GSE1: variants seen among roughly 807,000 people sequenced by gnomAD.
The protein encoded by GSE1 is genetic suppressor element 1.
In GSE1, 32 loss-of-function variants were observed where a neutral mutation model predicts 112.6. That is an observed-to-expected ratio of 0.28 (90% confidence interval 0.21 to 0.38). The LOEUF is 0.38. Ranked by LOEUF, GSE1 falls within the 10% of genes least tolerant of loss-of-function variation. GSE1 has a pLI of 1.00. For missense variants in GSE1, 2,348 were observed against 1,699.2 expected (o/e 1.38, Z -6.71); for synonymous variants, 1,115 against 735.6 (o/e 1.52, Z -8.35).
chr16:85,240,854 G>C (rs1441176030), intron 1 of GSE1, among the ~76,000 whole-genome samples: 3 of 152,182 alleles, frequency 2.0e-5, no homozygotes, highest in Non-Finnish European at 4.4e-5. Flanking sequence ...AGCACAGTCG[G>C]GGAGCAGAGA....
upstream of GSE1, chr16:85,555,679 C>A (rs2045170681): frequency 1.1e-6 from 1 of 924,202 alleles, no homozygotes; most frequent in Non-Finnish European, 1.3e-6. Flanking sequence ...CCCGCCGCCC[C>A]CCCCTTCCTT....
intron 2 of GSE1, among the ~76,000 whole-genome samples, chr16:85,442,022 G>A (rs2049387750): frequency 6.6e-6 from 1 of 152,188 alleles, no homozygotes; most frequent in African/African-American, 2.4e-5. Flanking sequence ...CCTCCACGTG[G>A]GCCCCTGCTG....
At chr16:85,414,873 C>T (rs1316574392) in intron 2 of GSE1, among the ~76,000 whole-genome samples, 4 of 152,272 alleles carry the variant, frequency 2.6e-5, no homozygotes, top group South Asian at 2.1e-4. Flanking sequence ...TGACCTCAGG[C>T]GATCCACCTG....
At chr16:85,506,409 G>A (rs188261083) in intron 2 of GSE1, among the ~76,000 whole-genome samples, 25 of 152,256 alleles carry the variant, frequency 1.6e-4, no homozygotes, top group African/African-American at 5.5e-4. Context: ...GATGGATGGC[G>A]TCCAAGCGTA....
chr16:85,497,772 G>C (rs1237856521), intron 2 of GSE1, among the ~76,000 whole-genome samples: 1 of 152,138 alleles, frequency 6.6e-6, no homozygotes, highest in Non-Finnish European at 1.5e-5. Context: ...TGGGACTGGG[G>C]AACCCGGGGT....
At chr16:85,187,269 G>A (rs1353233000) in intron 1 of GSE1, among the ~76,000 whole-genome samples, 1 of 152,226 alleles carries the variant, frequency 6.6e-6, no homozygotes, top group Non-Finnish European at 1.5e-5. Context: ...GTGGAATGCA[G>A]CGTCAGCAGC....
In GSE1 at chr16:85,311,029, C is replaced by T. The variant is rs997505156; in HGVS notation, c.2284-46434C>T. On this transcript the variant is annotated intron_variant, in intron 1 of 2. Coordinates refer to the GSE1 transcript ENST00000637419. This position sits in a 1 kb window ranked among gnomAD's most constrained non-coding sequence, Gnocchi z 4.2. ...CTAAATATAAACCCAGCCGCCTTTC[C>T]GCGGCCGTCAGCAATGGCCATGGCT... Among the ~76,000 whole-genome samples the T allele has an allele frequency of 3.9e-5, 6 of 152,232 alleles. No homozygotes were observed. Among genetic ancestry groups the T allele is most frequent in the African/African-American group, 9.6e-5 (4 of 41,458 alleles).
chr16:85,344,162 T>C (rs77737068), intron 1 of GSE1, among the ~76,000 whole-genome samples: 318 of 152,198 alleles, frequency 2.1e-3, no homozygotes, highest in Non-Finnish European at 3.6e-3. Flanking sequence ...GTGGCACTAA[T>C]GGACATGGGG....
intron 1 of GSE1, among the ~76,000 whole-genome samples, chr16:85,256,066 T>G (rs1012677211): frequency 2.0e-5 from 3 of 152,182 alleles, no homozygotes; most frequent in Non-Finnish European, 4.4e-5. Context: ...ATATGTAAGA[T>G]GGGAGAATAA....
chr16:85,250,386 G>A (rs899084144), intron 1 of GSE1, among the ~76,000 whole-genome samples: 2 of 152,166 alleles, frequency 1.3e-5, no homozygotes, highest in Non-Finnish European at 2.9e-5. Context: ...CTTGTGGGGC[G>A]TCTGCGCTTG....
intron 1 of GSE1, among the ~76,000 whole-genome samples, chr16:85,585,703 T>A (rs533519298): frequency 3.3e-5 from 5 of 152,342 alleles, no homozygotes; most frequent in Non-Finnish European, 5.9e-5. Context: ...GTGCCGTCCC[T>A]TCTCTGGGCC....
At chr16:85,624,292 C>G (rs1598424706) in intron 1 of GSE1, among the ~76,000 whole-genome samples, 1 of 152,182 alleles carries the variant, frequency 6.6e-6, no homozygotes, top group Admixed American at 6.5e-5. Context: ...GGAAGGGCTC[C>G]CACAGGAGCA....
At chr16:85,527,739 C>T (rs1567562519) in intron 2 of GSE1, among the ~76,000 whole-genome samples, 5 of 151,562 alleles carry the variant, frequency 3.3e-5, no homozygotes, top group African/African-American at 7.3e-5. Flanking sequence ...TGGAAGAGAG[C>T]GCACGGGCTT....
intron 2 of GSE1, among the ~76,000 whole-genome samples, chr16:85,642,132 A>T (rs1021521445): frequency 6.6e-6 from 1 of 151,946 alleles, no homozygotes; most frequent in Non-Finnish European, 1.5e-5. Flanking sequence ...TGCTGAGTGG[A>T]CTCTGCCCAG....
intron 1 of GSE1, among the ~76,000 whole-genome samples, chr16:85,277,676 A>G (rs555027487): frequency 6.6e-6 from 1 of 152,210 alleles, no homozygotes; most frequent in Non-Finnish European, 1.5e-5. Flanking sequence ...AGCGGTGGGT[A>G]TGTGGTGGTC....
At chr16:85,277,218 T>C (rs1909455286) in intron 1 of GSE1, among the ~76,000 whole-genome samples, 1 of 152,008 alleles carries the variant, frequency 6.6e-6, no homozygotes, top group Admixed American at 6.5e-5. Context: ...TGGGGCACTG[T>C]AAGGCCTGCC....
At chr16:85,290,979 G>A (rs781447441) in intron 1 of GSE1, among the ~76,000 whole-genome samples, 1 of 152,238 alleles carries the variant, frequency 6.6e-6, no homozygotes, top group Non-Finnish European at 1.5e-5. Flanking sequence ...TGTCAGAGCC[G>A]TAGCAGACAG....
rs201465688 is a variant in GSE1, at chr16:85,230,833, AGATGGATGGATG to A, written c.2283+59051_2283+59062del. 4.7e-4 allele frequency among the ~76,000 whole-genome samples: 70 copies of A among 150,236 alleles called. No homozygotes were observed. The South Asian group carries it at 4.9e-3, about 10-fold the overall frequency. On this transcript the variant is annotated intron_variant, in intron 1 of 2. Coordinates refer to the GSE1 transcript ENST00000637419. Reference sequence around the variant, plus strand: ...ACTACAAATGAGTGTGTGGAAGACTAGATGGATGGATGGATGGATGGATGGATGGATGGATGA... The same window carrying A: ...ACTACAAATGAGTGTGTGGAAGACTAGATGGATGGATGGATGGATGGATGA...
Position 85,654,678 on chromosome 16 carries a change from A to G in GSE1, c.600-116A>G, listed in dbSNP as rs2051752490. ...AAGCCCCGTCCTCGTTCGGGGTGCC[A>G]GGAGTCTGGGTGCCGACTGAGCGCC... On this transcript the variant is annotated intron_variant, in intron 4 of 15. Transcript: ENST00000253458. 4 of 763,212 alleles carry G rather than the reference A, an allele frequency of 5.2e-6. No individual in the cohort carries two copies. The Admixed American group carries it at 8.4e-5, about 16-fold the overall frequency. 47.3% of individuals were successfully genotyped at this position (763,212 alleles called of 1,614,324 possible).
Sources: gnomAD v4.1 joint callset for allele counts (sites outside exome capture counted in the v4.1 genomes callset) on GRCh38, gnomAD v4.1.1 for gene constraint, Gnocchi (gnomAD v3.1) non-coding constraint, MANE v1.5 for transcripts, NCBI Gene and HGNC (gene_info 2026-07-23, HGNC 2026-07-21) for gene names.